The following GLDC variants were observed in gnomAD, a reference collection of about 807,000 sequenced individuals.
GLDC encodes glycine decarboxylase.
A neutral mutation model predicts 121.3 loss-of-function variants in GLDC; 104 were observed. That is an observed-to-expected ratio of 0.86 (90% CI 0.73 to 1.01). The LOEUF is 1.01. Among genes scored for constraint, GLDC ranks in the 50% least tolerant of loss-of-function variants. The pLI, the probability that GLDC is intolerant of heterozygous loss-of-function variation, is 0.00. For missense variants in GLDC, 1,429 were observed against 1,306.6 expected (o/e 1.09, Z -1.44); for synonymous variants, 546 against 480.6 (o/e 1.14, Z -1.78).
At chr9:6,626,316 C>A (rs1173318963) in intron 2 of GLDC, among the ~76,000 whole-genome samples, 1 of 152,168 alleles carries the variant, frequency 6.6e-6, no homozygotes, top group East Asian at 1.9e-4. Flanking sequence ...CCACCCCAGT[C>A]CTGACAATTA....
Position 6,554,663 on chromosome 9 carries a change from A to G in GLDC, c.2315+6T>C, listed in dbSNP as rs1817582202. 6.3e-7 allele frequency: 1 copy of G among 1,597,068 alleles called. No individual in the cohort carries two copies. The highest frequency in any genetic ancestry group is 1.3e-5 in the African/African-American group (1 of 74,710). ...GCCATCCTGAAACCAGCAGCCCAGA[A>G]CTTACACTCCGATGGGCCCCATGCC... On this transcript the variant is annotated splice_donor_region_variant and intron_variant, in intron 19 of 24. Transcript: ENST00000321612.
chr9:6,641,656 G>C (rs1236127725), intron 2 of GLDC, among the ~76,000 whole-genome samples: 1 of 152,030 alleles, frequency 6.6e-6, no homozygotes, highest in African/African-American at 2.4e-5. Context: ...TTCCTCATAG[G>C]GTTGTAATAT....
At chr9:6,592,750 A>T (rs1336050806) in intron 10 of GLDC, 101 bp downstream of exon 10, 4 of 1,167,208 alleles carry the variant, frequency 3.4e-6, no homozygotes, top group Non-Finnish European at 5.0e-6. Flanking sequence ...ACTGTGCCTA[A>T]AGTTTTCCTT....
At chr9:6,587,105 A>G (rs1316986344) in intron 15 of GLDC, 36 bp downstream of exon 15, 2 of 1,577,170 alleles carry the variant, frequency 1.3e-6, no homozygotes, top group Non-Finnish European at 1.7e-6. Context: ...ATACAAGAAT[A>G]GATTGCTGAA....
chr9:6,543,865 C>A (rs1262946883), intron 21 of GLDC, among the ~76,000 whole-genome samples: 2 of 151,092 alleles, frequency 1.3e-5, no homozygotes, highest in Non-Finnish European at 2.9e-5. Context: ...TGAGAAGGTA[C>A]CACGTGAAAG....
rs1010145706 is a variant in GLDC, at chr9:6,620,308, T to C, written c.346A>G (p.Ile116Val). The change falls in exon 3 of 25, where the codon ATC becomes GTC. Residue 116 changes from isoleucine to valine, a missense_variant. Ile to Val is a conservative substitution (Grantham distance 29). Transcript: ENST00000321612. The part of the protein sequence containing the change: ...KMEDPVCENE[I>V]LATLHAISSK... Reference sequence around the variant, plus strand: ...GAAATGGCATGCAGAGTTGCAAGGATTTCATTTTCACCTAATTGTGGGAAA... The same window carrying C: ...GAAATGGCATGCAGAGTTGCAAGGACTTCATTTTCACCTAATTGTGGGAAA... 52 of 1,613,540 alleles carry C rather than the reference T, an allele frequency of 3.2e-5. No individual in the cohort carries two copies. The highest frequency in any genetic ancestry group is 4.1e-5 in the Non-Finnish European group (48 of 1,179,550).
chr9:6,604,985 G>A, intron 6 of GLDC, 146 bp downstream of exon 6: 1 of 955,336 alleles, frequency 1.0e-6, no homozygotes, highest in East Asian at 2.5e-5. Flanking sequence ...AAAAGTAGCA[G>A]CAAGGAGTCA....
chr9:6,552,218 C>T (rs1817531157), intron 20 of GLDC, among the ~76,000 whole-genome samples: 1 of 152,178 alleles, frequency 6.6e-6, no homozygotes, highest in Non-Finnish European at 1.5e-5. Context: ...GAGGGGGCAG[C>T]TTAAACCCTA....
chr9:6,555,488 G>A (rs1293516058), intron 18 of GLDC, among the ~76,000 whole-genome samples: 2 of 152,136 alleles, frequency 1.3e-5, no homozygotes, highest in Admixed American at 6.5e-5. Flanking sequence ...AAAAAAAGAG[G>A]TCGGGCGTGG....
rs1817123754 is a variant in GLDC, at chr9:6,536,177, C to T, written c.2725G>A (p.Glu909Lys). Reference protein sequence around the residue: ...VAGTLMVEPTESEDKAELDRF... With the variant: ...VAGTLMVEPTKSEDKAELDRF... ...TCCAGCTCTGCCTTGTCCTCCGACT[C>T]AGTGGGCTCCACCATGAGGGTCCCT... Residue 909 changes from glutamate to lysine, a missense_variant, in exon 23 of 25, where the codon GAG becomes AAG. Glu to Lys is a moderately conservative substitution (Grantham distance 56, BLOSUM62 1). Transcript: ENST00000321612. 2 of 1,613,970 alleles carry T rather than the reference C, an allele frequency of 1.2e-6. No individual in the cohort carries two copies. The highest frequency in any genetic ancestry group is 1.7e-6 in the Non-Finnish European group (2 of 1,179,994).
chr9:6,577,027 G>C (rs1341701381), intron 15 of GLDC, among the ~76,000 whole-genome samples: 2 of 152,142 alleles, frequency 1.3e-5, no homozygotes, highest in African/African-American at 4.8e-5. Flanking sequence ...CAAAGAGAAA[G>C]GTCCCTGCTG....
At chr9:6,567,338 A>G (rs1444185068) in intron 15 of GLDC, 3 of 152,190 alleles carry the variant, frequency 2.0e-5, no homozygotes, top group East Asian at 1.9e-4. Flanking sequence ...GGACAAGAAA[A>G]TGAATATGCC....
At chr9:6,638,700 G>C (rs1053140363) in intron 2 of GLDC, among the ~76,000 whole-genome samples, 1 of 152,118 alleles carries the variant, frequency 6.6e-6, no homozygotes, top group African/African-American at 2.4e-5. Context: ...CTTGGAGATA[G>C]TGACTATGTT....
chr9:6,552,791 T>C (rs1817541837), intron 20 of GLDC, among the ~76,000 whole-genome samples: 1 of 152,014 alleles, frequency 6.6e-6, no homozygotes, highest in Admixed American at 6.6e-5. Context: ...CCTGGTGTTA[T>C]TTGGAATAAG....
intron 2 of GLDC, among the ~76,000 whole-genome samples, chr9:6,636,984 T>A (rs1819516857): frequency 6.6e-6 from 1 of 151,696 alleles, no homozygotes; most frequent in Non-Finnish European, 1.5e-5. Context: ...CTCGGGAGGC[T>A]GAGGCAGAAG....
At chr9:6,614,735 T>TGCTCTGA (rs1358207636) in intron 3 of GLDC, among the ~76,000 whole-genome samples, 5 of 152,128 alleles carry the variant, frequency 3.3e-5, no homozygotes, top group African/African-American at 1.2e-4. Context: ...AACAGAAATA[T>TGCTCTGA]GCTCTGAGAA....
chr9:6,579,004 TA>T (rs1274189379), intron 15 of GLDC, among the ~76,000 whole-genome samples: 1 of 152,246 alleles, frequency 6.6e-6, no homozygotes, highest in Non-Finnish European at 1.5e-5. Context: ...CTTATGTTCC[TA>T]AATGTTTGTT....
intron 3 of GLDC, among the ~76,000 whole-genome samples, chr9:6,612,665 G>A (rs1237888336): frequency 2.0e-5 from 3 of 152,122 alleles, no homozygotes; most frequent in Non-Finnish European, 4.4e-5. Context: ...AGTTCGAGAC[G>A]AGCCTGGCCA....
intron 15 of GLDC, chr9:6,567,312 G>C (rs904321739): frequency 4.6e-5 from 7 of 152,172 alleles, no homozygotes; most frequent in East Asian, 3.9e-4. Context: ...GCCTATTTGA[G>C]GTTTTTTCAT....
Sources: allele counts gnomAD v4.1 joint callset (sites outside exome capture counted in the v4.1 genomes callset), GRCh38; gene constraint gnomAD v4.1.1; transcripts MANE v1.5; gene names NCBI Gene and HGNC (gene_info 2026-07-23, HGNC 2026-07-21).